UBE3D: variants seen among roughly 807,000 people sequenced by gnomAD.
UBE3D encodes the protein E3 ubiquitin-protein ligase E3D.
A neutral mutation model predicts 49.6 loss-of-function variants in UBE3D; 48 were observed. The ratio of observed to expected loss-of-function variants is 0.97; its 90% CI spans 0.77 to 1.23. UBE3D has a LOEUF of 1.23. Ranked by LOEUF, UBE3D falls within the 50% of genes most tolerant of loss-of-function variation. The probability of loss-of-function intolerance (pLI) is 0.00; values close to 1 mark genes in which losing one functional copy is unlikely to be tolerated. For missense variants in UBE3D, 452 were observed against 468.4 expected, an observed-to-expected ratio of 0.96 and a Z score of 0.32; for synonymous variants, 189 against 174.2, an observed-to-expected ratio of 1.08 and a Z score of -0.67.
chr6:83,044,060 A>G (rs1197250342), intron 4 of UBE3D, among the ~76,000 whole-genome samples: 2 of 152,234 alleles, frequency 1.3e-5, no homozygotes, highest in East Asian at 3.8e-4. Context: ...ATAGTATAGT[A>G]GATATCCTGG....
At chr6:82,916,737 G>A (rs1772941332) in intron 9 of UBE3D, among the ~76,000 whole-genome samples, 1 of 152,044 alleles carries the variant, frequency 6.6e-6, no homozygotes, top group African/African-American at 2.4e-5. Flanking sequence ...AATACAAATG[G>A]GATCTATCTC....
At chr6:82,909,074 G>A (rs1772313326) in intron 9 of UBE3D, among the ~76,000 whole-genome samples, 1 of 152,190 alleles carries the variant, frequency 6.6e-6, no homozygotes, top group Non-Finnish European at 1.5e-5. Context: ...GGTGGGTGAG[G>A]ACTTCTGAAG....
At chr6:83,047,632 G>T (rs977936630) in intron 3 of UBE3D, among the ~76,000 whole-genome samples, 2 of 152,330 alleles carry the variant, frequency 1.3e-5, no homozygotes, top group African/African-American at 4.8e-5. Context: ...AATGTGGCCT[G>T]TGGTAGCCTT....
intron 5 of UBE3D, among the ~76,000 whole-genome samples, chr6:83,028,256 T>C (rs1400264675): frequency 6.6e-6 from 1 of 152,196 alleles, no homozygotes; most frequent in East Asian, 1.9e-4. Context: ...TTCTTGTTGG[T>C]GGAAGTCTAG....
chr6:82,943,321 A>C (rs574493296), intron 9 of UBE3D, among the ~76,000 whole-genome samples: 2 of 152,122 alleles, frequency 1.3e-5, no homozygotes, highest in Non-Finnish European at 2.9e-5. Flanking sequence ...AACTATCTAC[A>C]CACAAAAAAG....
chr6:82,967,778 T>A (rs1777055492), intron 8 of UBE3D, among the ~76,000 whole-genome samples: 1 of 151,836 alleles, frequency 6.6e-6, no homozygotes, highest in Non-Finnish European at 1.5e-5. Context: ...AGAAGCTGAT[T>A]CTAGAGGTGT....
intron 9 of UBE3D, among the ~76,000 whole-genome samples, chr6:82,934,421 G>A (rs969085954): frequency 4.6e-5 from 7 of 152,176 alleles, no homozygotes; most frequent in Non-Finnish European, 8.8e-5. Context: ...GACTTAGACT[G>A]CATGATGTTT....
intron 8 of UBE3D, among the ~76,000 whole-genome samples, chr6:82,959,999 T>C (rs1286203917): frequency 2.6e-5 from 4 of 152,182 alleles, no homozygotes; most frequent in African/African-American, 7.2e-5. Context: ...TTGTTCCTCC[T>C]TGGGGACATG....
intron 9 of UBE3D, among the ~76,000 whole-genome samples, chr6:82,909,063 A>G (rs1772311844): frequency 6.6e-6 from 1 of 152,188 alleles, no homozygotes; most frequent in South Asian, 2.1e-4. Flanking sequence ...GCAAGTGTGC[A>G]GGTGGGTGAG....
intron 4 of UBE3D, among the ~76,000 whole-genome samples, chr6:83,043,795 T>C (rs1782837135): frequency 6.6e-6 from 1 of 152,238 alleles, no homozygotes; most frequent in South Asian, 2.1e-4. Context: ...GCCAAGCCAA[T>C]GCCATTGATT....
At position 83,032,255 on chromosome 6, in the gene UBE3D, A is replaced by C. The variant is rs539923790; in HGVS notation, c.667+6161T>G. 3 of 455,878 alleles carry C rather than the reference A, an allele frequency of 6.6e-6. No homozygotes were observed. In the East Asian group the frequency reaches 2.1e-4, roughly 32 times the overall value. The allele number at this position is 455,878 out of a possible 1,614,324, so 28.2% of individuals were successfully genotyped here. A position where few individuals can be genotyped will look rare whatever the true frequency, so the allele number is the denominator to read the frequency against. ...GTGGGGCCGTACCCGGCAAAACCAC[A>C]GGAACAGAGCTGTTCAAGGCCATGG... On this transcript the variant is annotated intron_variant, in intron 5 of 9. Coordinates refer to ENST00000369747, the MANE Select transcript of UBE3D (RefSeq NM_198920.3).
intron 8 of UBE3D, among the ~76,000 whole-genome samples, chr6:83,004,660 TTACTC>T (rs1461927736): frequency 6.6e-6 from 1 of 152,204 alleles, no homozygotes; most frequent in Non-Finnish European, 1.5e-5. Context: ...ATTCATTCAT[TTACTC>T]TAGCATCATA....
At chr6:82,893,135 C>A in intron 9 of UBE3D, 93 bp from the exon 10 acceptor site, 3 of 1,426,038 alleles carry the variant, frequency 2.1e-6, no homozygotes, top group South Asian at 1.2e-5. Flanking sequence ...TAAGTCTGGT[C>A]AATAAGATCA....
chr6:83,031,509 G>C (rs976184347), intron 5 of UBE3D, among the ~76,000 whole-genome samples: 2 of 152,198 alleles, frequency 1.3e-5, no homozygotes, highest in Non-Finnish European at 2.9e-5. Flanking sequence ...TTGCATCAGT[G>C]TGATCTGGCT....
At chr6:83,007,452 T>C (rs1582620930) in intron 8 of UBE3D, among the ~76,000 whole-genome samples, 1 of 152,228 alleles carries the variant, frequency 6.6e-6, no homozygotes, top group East Asian at 1.9e-4. Flanking sequence ...CTACTAATTG[T>C]ATTCTCCTAA....
At chr6:82,887,182 G>C in the UBE3D span, among the ~76,000 whole-genome samples, 5 of 151,540 alleles carry the variant, frequency 3.3e-5, no homozygotes, top group African/African-American at 1.2e-4. Flanking sequence ...ATAAAAGCTG[G>C]GTGTGGTGGC....
chr6:83,022,686 G>C (rs1343036298), intron 6 of UBE3D, 125 bp from the exon 7 acceptor site: 2 of 539,996 alleles, frequency 3.7e-6, no homozygotes, highest in East Asian at 3.4e-5. Context: ...CTTTTCTACG[G>C]ACTGCTCATT....
At chr6:83,017,649 T>C (rs1162684092) in intron 8 of UBE3D, 1 of 152,170 alleles carries the variant, frequency 6.6e-6, no homozygotes, top group Admixed American at 6.5e-5. Context: ...TGGACATTTA[T>C]AAAAACTTCA....
intron 8 of UBE3D, among the ~76,000 whole-genome samples, chr6:83,008,994 TAATTG>T (rs1780170475): frequency 6.6e-6 from 1 of 152,198 alleles, no homozygotes; most frequent in Admixed American, 6.5e-5. Flanking sequence ...AAAAACCTAC[TAATTG>T]AATACAAGAG....
Sources: gnomAD v4.1 joint callset for allele counts (sites outside exome capture counted in the v4.1 genomes callset) on GRCh38, gnomAD v4.1.1 for gene constraint, MANE v1.5 for transcripts, NCBI Gene and HGNC (gene_info 2026-07-23, HGNC 2026-07-21) for gene names.